ADAM12: variants seen among roughly 807,000 people sequenced by gnomAD.
ADAM12 encodes disintegrin and metalloproteinase domain-containing protein 12.
In ADAM12, 70 loss-of-function variants were observed where a neutral mutation model predicts 106.4. The ratio of observed to expected loss-of-function variants is 0.66; its 90% CI spans 0.54 to 0.80. The LOEUF (loss-of-function observed/expected upper bound fraction) is 0.80. Among genes scored for constraint, ADAM12 ranks in the 30% least tolerant of loss-of-function variants. The pLI, the probability that ADAM12 is intolerant of heterozygous loss-of-function variation, is 0.00. For synonymous variants in ADAM12, 420 were observed against 433.5 expected (o/e 0.97, Z 0.39); for missense variants, 1,010 against 1,171.9 (o/e 0.86, Z 2.02).
At chr10:126,212,156 G>A (rs1957915363) in intron 3 of ADAM12, among the ~76,000 whole-genome samples, 1 of 152,200 alleles carries the variant, frequency 6.6e-6, no homozygotes, top group Non-Finnish European at 1.5e-5. Context: ...AGATTCAGGG[G>A]CAGACTCCCA....
chr10:126,329,163 G>A (rs984910839), intron 2 of ADAM12, among the ~76,000 whole-genome samples: 1 of 151,220 alleles, frequency 6.6e-6, no homozygotes, highest in South Asian at 2.1e-4. Context: ...AATATTGCAC[G>A]AGACATATTT....
At chr10:126,127,966 T>C (rs1166576883) in intron 5 of ADAM12, among the ~76,000 whole-genome samples, 3 of 151,504 alleles carry the variant, frequency 2.0e-5, no homozygotes, top group Non-Finnish European at 4.4e-5. Context: ...GGGAATAGGG[T>C]GGTTTCCTCA....
chr10:126,329,204 A>C (rs149524854), intron 2 of ADAM12, among the ~76,000 whole-genome samples: 29 of 152,314 alleles, frequency 1.9e-4, no homozygotes, highest in African/African-American at 6.5e-4. Flanking sequence ...GTTTATTTGA[A>C]ATCCAAATTT....
intron 3 of ADAM12, among the ~76,000 whole-genome samples, chr10:126,276,934 A>G (rs1362905326): frequency 6.6e-6 from 1 of 152,182 alleles, no homozygotes; most frequent in Admixed American, 6.5e-5. Flanking sequence ...TTCAGGGGGA[A>G]CCATGGACAA....
intron 5 of ADAM12, among the ~76,000 whole-genome samples, chr10:126,120,221 T>C (rs896784338): frequency 1.3e-5 from 2 of 152,174 alleles, no homozygotes; most frequent in African/African-American, 4.8e-5. Context: ...GAAAGTTCAC[T>C]ACAAATCAAC....
intron 3 of ADAM12, among the ~76,000 whole-genome samples, chr10:126,155,906 T>C (rs1409457668): frequency 1.3e-5 from 2 of 152,072 alleles, no homozygotes; most frequent in Non-Finnish European, 2.9e-5. Context: ...CATCCTGAAA[T>C]ATTGAATTTC....
intron 21 of ADAM12, among the ~76,000 whole-genome samples, chr10:126,034,956 A>G (rs1203112864): frequency 1.3e-5 from 2 of 152,190 alleles, no homozygotes; most frequent in Non-Finnish European, 2.9e-5. Flanking sequence ...TGACACAACA[A>G]TCCTAATTGT....
At chr10:126,203,153 C>A (rs1009425616) in intron 3 of ADAM12, among the ~76,000 whole-genome samples, 2 of 152,178 alleles carry the variant, frequency 1.3e-5, no homozygotes, top group African/African-American at 4.8e-5. Context: ...CCACAAAAAA[C>A]CTTTATTTCT....
At chr10:126,350,794 G>C (rs1177911943) in intron 1 of ADAM12, among the ~76,000 whole-genome samples, 1 of 152,184 alleles carries the variant, frequency 6.6e-6, no homozygotes, top group African/African-American at 2.4e-5. Context: ...AGCCTTGGAG[G>C]CCGGGCACCT....
At chr10:126,280,698 G>A (rs3858318) in intron 2 of ADAM12, among the ~76,000 whole-genome samples, 114,540 of 152,072 alleles carry the variant, frequency 0.75, 45,481 homozygotes, top group Non-Finnish European at 0.87. Context: ...TTCTTTCTCA[G>A]TTTTCACTGA....
At chr10:126,387,508 AAG>A (rs1281794305) in intron 1 of ADAM12, among the ~76,000 whole-genome samples, 2 of 152,132 alleles carry the variant, frequency 1.3e-5, no homozygotes, top group African/African-American at 4.8e-5. Context: ...AGAAGTAGGT[AAG>A]AGAGTCAGTT....
chr10:126,042,536 GGCATAAAA>G (rs1272763482), intron 18 of ADAM12, among the ~76,000 whole-genome samples: 5 of 152,038 alleles, frequency 3.3e-5, no homozygotes, highest in African/African-American at 1.2e-4. Context: ...TGACATCATG[GGCATAAAA>G]TGCACCACAC....
intron 21 of ADAM12, among the ~76,000 whole-genome samples, chr10:126,031,976 A>G (rs924244217): frequency 6.6e-6 from 1 of 152,212 alleles, no homozygotes; most frequent in Admixed American, 6.5e-5. Flanking sequence ...TCCTTTTACC[A>G]TGAAGGAAGT....
chr10:126,086,927 G>T (rs1309911127), intron 11 of ADAM12, among the ~76,000 whole-genome samples: 4 of 151,446 alleles, frequency 2.6e-5, no homozygotes, highest in Non-Finnish European at 5.9e-5. Flanking sequence ...CAGCAACTCG[G>T]GAGGCTGAGG....
intron 3 of ADAM12, among the ~76,000 whole-genome samples, chr10:126,199,940 T>C (rs1957667707): frequency 1.3e-5 from 2 of 152,146 alleles, no homozygotes; most frequent in Admixed American, 6.5e-5. Context: ...AAAAGCCCAC[T>C]GGCACAAAAT....
chr10:126,127,896 G>A (rs1956231636), intron 5 of ADAM12, among the ~76,000 whole-genome samples: 1 of 152,168 alleles, frequency 6.6e-6, no homozygotes, highest in Non-Finnish European at 1.5e-5. Context: ...GTCCCAGGCA[G>A]AGGGGCAGCA....
At chr10:126,344,717 TCTC>T (rs1432885833) in intron 1 of ADAM12, among the ~76,000 whole-genome samples, 1 of 152,206 alleles carries the variant, frequency 6.6e-6, no homozygotes. Context: ...GGTTTGTTGT[TCTC>T]CTTGAAGAGG....
chr10:126,256,641 T>C (rs1958898275), intron 3 of ADAM12, among the ~76,000 whole-genome samples: 1 of 152,172 alleles, frequency 6.6e-6, no homozygotes, highest in African/African-American at 2.4e-5. Context: ...GGAGTCTACT[T>C]CATTTATCTG....
chr10:126,181,821 G>A (rs1214409508), intron 3 of ADAM12, among the ~76,000 whole-genome samples: 1 of 152,180 alleles, frequency 6.6e-6, no homozygotes, highest in Non-Finnish European at 1.5e-5. Flanking sequence ...CAGGCCTTTG[G>A]CAGCAGTCCT....
Sources: allele counts gnomAD v4.1 joint callset (sites outside exome capture counted in the v4.1 genomes callset), GRCh38; gene constraint gnomAD v4.1.1; transcripts MANE v1.5; gene names NCBI Gene and HGNC (gene_info 2026-07-23, HGNC 2026-07-21).